DIS3L2: variants seen among roughly 807,000 people sequenced by gnomAD.
DIS3L2 encodes the protein DIS3-like exonuclease 2.
Under a neutral mutation model 97.5 loss-of-function variants are expected in DIS3L2, and 34 were observed. The ratio of observed to expected loss-of-function variants is 0.35; its 90% CI spans 0.27 to 0.46. The LOEUF is 0.46. Among genes scored for constraint, DIS3L2 ranks in the 20% least tolerant of loss-of-function variants. The probability of loss-of-function intolerance (pLI) is 1.00; values close to 1 mark genes in which losing one functional copy is unlikely to be tolerated. For synonymous variants in DIS3L2, 435 were observed against 445.2 expected, an observed-to-expected ratio of 0.98 and a Z score of 0.29; for missense variants, 1,038 against 1,146.0, an observed-to-expected ratio of 0.91 and a Z score of 1.36.
chr2:232,246,361 GC>G (rs1693247974), intron 11 of DIS3L2, among the ~76,000 whole-genome samples: 2 of 152,246 alleles, frequency 1.3e-5, no homozygotes, highest in African/African-American at 4.8e-5. Flanking sequence ...ACAAGCAAGA[GC>G]TGGAGCAGCA....
chr2:232,294,401 A>G (rs1460181747), intron 13 of DIS3L2, among the ~76,000 whole-genome samples: 3 of 152,192 alleles, frequency 2.0e-5, no homozygotes, highest in African/African-American at 7.2e-5. Context: ...CAGGAACCAG[A>G]TGGACCCATT....
chr2:232,084,442 CATGTTG>C (rs1478155904), intron 5 of DIS3L2, among the ~76,000 whole-genome samples: 1 of 152,088 alleles, frequency 6.6e-6, no homozygotes, highest in East Asian at 1.9e-4. Context: ...TTTTGATTGT[CATGTTG>C]ATGCTCAAAA....
chr2:232,159,082 G>T (rs750444020), intron 8 of DIS3L2, among the ~76,000 whole-genome samples: 2 of 152,104 alleles, frequency 1.3e-5, no homozygotes, highest in Non-Finnish European at 2.9e-5. Flanking sequence ...GTCTTTAATT[G>T]TCTGGGTTCC....
intron 12 of DIS3L2, among the ~76,000 whole-genome samples, chr2:232,259,001 GC>G (rs1392544893): frequency 3.9e-5 from 6 of 152,174 alleles, no homozygotes; most frequent in Admixed American, 3.9e-4. Context: ...ACTCCCAGAA[GC>G]ACTGGACTGT....
At chr2:232,274,444 A>G (rs1251160618) in intron 13 of DIS3L2, among the ~76,000 whole-genome samples, 1 of 152,220 alleles carries the variant, frequency 6.6e-6, no homozygotes, top group Non-Finnish European at 1.5e-5. Context: ...TAAAACCTGC[A>G]TTAGGGAAGG....
intron 20 of DIS3L2, 78 bp downstream of exon 20, chr2:232,335,952 C>T (rs963352520): frequency 3.9e-6 from 6 of 1,543,896 alleles, no homozygotes; most frequent in African/African-American, 2.7e-5. Flanking sequence ...CTCATTCCTT[C>T]ATCTGTGTCC....
intron 6 of DIS3L2, among the ~76,000 whole-genome samples, chr2:232,123,544 A>C (rs1010106098): frequency 6.6e-6 from 1 of 151,488 alleles, no homozygotes; most frequent in East Asian, 1.9e-4. Flanking sequence ...TATGCTCTAC[A>C]CTGCCACCCG....
At position 232,136,529 on chromosome 2, in the gene DIS3L2, T is replaced by G. The variant is rs746573965; in HGVS notation, c.760T>G (p.Leu254Val). 6.2e-7 allele frequency: 1 copy of G among 1,614,116 alleles called. No homozygotes were observed. The highest frequency in any genetic ancestry group is 8.5e-7 in the Non-Finnish European group (1 of 1,179,968). ...SRAATGFLKL[L>V]ADKNSELFRK... The stretch of plus-strand genomic sequence containing the variant: ...AGCAGCAACCGGCTTCCTCAAACTC[T>G]TGGCTGATAAGAACAGCGAACTGTT... The change falls in exon 8 of 21, where the codon TTG becomes GTG. Residue 254 changes from leucine to valine, a missense_variant. By Grantham distance (32) the Leu-to-Val change is conservative. Around this residue, in one of 3 missense-constraint regions of DIS3L2, gnomAD observed 813 missense variants for 880.1 expected, o/e 0.92. Coordinates refer to ENST00000325385, the MANE Select transcript of DIS3L2 (RefSeq NM_152383.5).
chr2:231,989,433 T>C (rs1693521365), intron 1 of DIS3L2, among the ~76,000 whole-genome samples: 1 of 152,028 alleles, frequency 6.6e-6, no homozygotes, highest in Non-Finnish European at 1.5e-5. Flanking sequence ...TTGAAAATTA[T>C]TTAATTTGAT....
At chr2:232,263,501 A>T (rs1342383764) in intron 13 of DIS3L2, 61 bp downstream of exon 13, 2 of 1,534,856 alleles carry the variant, frequency 1.3e-6, no homozygotes, top group Non-Finnish European at 1.8e-6. Flanking sequence ...CCCAGCGTGG[A>T]TGAGCGCAGC....
intron 1 of DIS3L2, among the ~76,000 whole-genome samples, chr2:231,997,419 G>A (rs1693760332): frequency 6.6e-6 from 1 of 152,210 alleles, no homozygotes; most frequent in South Asian, 2.1e-4. Context: ...TCTCATTTGA[G>A]ATCACTTTAT....
intron 9 of DIS3L2, among the ~76,000 whole-genome samples, chr2:232,208,453 G>A (rs1200786845): frequency 1.3e-5 from 2 of 152,180 alleles, no homozygotes; most frequent in Non-Finnish European, 2.9e-5. Context: ...TGGGACTACA[G>A]GCGTGTGCCA....
At chr2:232,214,456 A>C (rs1692278425) in intron 10 of DIS3L2, among the ~76,000 whole-genome samples, 1 of 152,120 alleles carries the variant, frequency 6.6e-6, no homozygotes, top group South Asian at 2.1e-4. Context: ...GAACAAATCT[A>C]GTGTCTCATT....
chr2:232,005,899 A>C (rs986380793), intron 1 of DIS3L2, among the ~76,000 whole-genome samples: 1 of 152,206 alleles, frequency 6.6e-6, no homozygotes, highest in Non-Finnish European at 1.5e-5. Flanking sequence ...TTGAAAAGGC[A>C]CTTTATGGCT....
rs536997669 is a variant in DIS3L2, at chr2:232,157,845, A to G, written c.951-5614A>G. ...TCCTGCTGCCTTGTGCTTTGTTCCT[A>G]TGTCCCTTGAGCAAGCACTGCAGCG... On this transcript the variant is annotated intron_variant, in intron 8 of 20. Transcript: ENST00000325385. 2.2e-4 allele frequency among the ~76,000 whole-genome samples: 33 copies of G among 152,230 alleles called. 1 individual carries two copies. The highest frequency in any genetic ancestry group is 3.7e-4 in the Non-Finnish European group (25 of 68,002).
intron 13 of DIS3L2, among the ~76,000 whole-genome samples, chr2:232,270,870 CTCT>C (rs1693977689): frequency 2.7e-5 from 2 of 75,432 alleles, no homozygotes; most frequent in Non-Finnish European, 5.4e-5. Context: ...GTCTCTCTCT[CTCT>C]CTCTCTCTCT....
At chr2:232,111,403 G>A (rs979362718) in intron 6 of DIS3L2, 16 of 348,036 alleles carry the variant, frequency 4.6e-5, no homozygotes, top group East Asian at 7.6e-5. Flanking sequence ...ACCGATTTTC[G>A]TCTGGATATC....
At chr2:232,137,430 G>A (rs1698389784) in intron 8 of DIS3L2, among the ~76,000 whole-genome samples, 1 of 152,210 alleles carries the variant, frequency 6.6e-6, no homozygotes, top group African/African-American at 2.4e-5. Context: ...GTTTATTATA[G>A]ATGATGTCTG....
At chr2:231,966,862 T>C (rs1416079971) in intron 1 of DIS3L2, among the ~76,000 whole-genome samples, 1 of 151,968 alleles carries the variant, frequency 6.6e-6, no homozygotes, top group African/African-American at 2.4e-5. Context: ...CTTTTTGTCA[T>C]GTAACATGAA....
Sources: allele counts gnomAD v4.1 joint callset (sites outside exome capture counted in the v4.1 genomes callset), GRCh38; gene constraint gnomAD v4.1.1; regional missense constraint gnomAD v4.1.1; transcripts MANE v1.5; gene names NCBI Gene and HGNC (gene_info 2026-07-23, HGNC 2026-07-21).